NOVA1: variants seen among roughly 807,000 people sequenced by gnomAD.
The protein encoded by NOVA1 is RNA-binding protein Nova-1.
NOVA1 carries 7 observed loss-of-function variants against 38.0 expected under a neutral mutation model. That is an observed-to-expected ratio of 0.18 (90% CI 0.10 to 0.35). The LOEUF (loss-of-function observed/expected upper bound fraction) is 0.35. Ranked by LOEUF, NOVA1 falls within the 10% of genes least tolerant of loss-of-function variation. The pLI is 1.00. For missense variants in NOVA1, 460 were observed against 616.0 expected (o/e 0.75, Z 2.68); for synonymous variants, 270 against 232.5 (o/e 1.16, Z -1.47).
At chr14:26,481,729 G>T (rs929690461) in intron 2 of NOVA1, among the ~76,000 whole-genome samples, 1 of 151,782 alleles carries the variant, frequency 6.6e-6, no homozygotes, top group Non-Finnish European at 1.5e-5. Flanking sequence ...TCTCATTCTT[G>T]TCTATCTTGA....
intron 2 of NOVA1, among the ~76,000 whole-genome samples, chr14:26,555,929 A>T (rs1042214648): frequency 3.3e-5 from 5 of 152,120 alleles, no homozygotes; most frequent in African/African-American, 1.2e-4. Context: ...AAATAGAAAA[A>T]GTTCAATATA....
intron 2 of NOVA1, among the ~76,000 whole-genome samples, chr14:26,542,490 G>A (rs1173775850): frequency 6.6e-6 from 1 of 151,788 alleles, no homozygotes; most frequent in African/African-American, 2.4e-5. Flanking sequence ...ATTCGGTGCT[G>A]CATTTCAAAT....
intron 3 of NOVA1, among the ~76,000 whole-genome samples, chr14:26,478,422 T>C (rs1885164556): frequency 1.3e-5 from 2 of 151,976 alleles, no homozygotes; most frequent in Admixed American, 6.6e-5. Context: ...AATGTTTGAA[T>C]TTTCTCACAG....
At chr14:26,576,159 G>C (rs1030681754) in intron 2 of NOVA1, among the ~76,000 whole-genome samples, 2 of 150,232 alleles carry the variant, frequency 1.3e-5, no homozygotes, top group Non-Finnish European at 3.0e-5. Flanking sequence ...CAATGTGTGT[G>C]TATATATATA....
chr14:26,543,881 T>A (rs1038597221), intron 2 of NOVA1, among the ~76,000 whole-genome samples: 5 of 152,016 alleles, frequency 3.3e-5, no homozygotes, highest in Non-Finnish European at 7.4e-5. Context: ...TCAGGCTATC[T>A]TTAGCTCACC....
chr14:26,454,083 C>T (rs1292144109), intron 4 of NOVA1, among the ~76,000 whole-genome samples: 1 of 151,890 alleles, frequency 6.6e-6, no homozygotes, highest in African/African-American at 2.4e-5. Flanking sequence ...AATTTTTTGG[C>T]TTCCCTGGGC....
chr14:26,520,909 C>G (rs1172610559), intron 2 of NOVA1, among the ~76,000 whole-genome samples: 1 of 152,068 alleles, frequency 6.6e-6, no homozygotes, highest in Non-Finnish European at 1.5e-5. Flanking sequence ...AGCTCAAACA[C>G]TGTATAACGC....
intron 2 of NOVA1, among the ~76,000 whole-genome samples, chr14:26,577,206 A>G (rs897348605): frequency 6.6e-6 from 1 of 152,094 alleles, no homozygotes; most frequent in African/African-American, 2.4e-5. Flanking sequence ...TTAAGGTTAA[A>G]TAACATTCCA....
chr14:26,490,697 G>A (rs1265353357), intron 2 of NOVA1, among the ~76,000 whole-genome samples: 1 of 152,052 alleles, frequency 6.6e-6, no homozygotes, highest in Non-Finnish European at 1.5e-5. Flanking sequence ...TTGTGTGTAT[G>A]AGACAGGGTC....
intron 2 of NOVA1, among the ~76,000 whole-genome samples, chr14:26,499,525 G>C (rs866262697): frequency 2.6e-5 from 4 of 152,130 alleles, no homozygotes; most frequent in Middle Eastern, 3.2e-3. Flanking sequence ...AAGGAAAACA[G>C]GAAAGTGATA....
At chr14:26,473,996 G>A (rs1259502997) in intron 3 of NOVA1, among the ~76,000 whole-genome samples, 2 of 151,760 alleles carry the variant, frequency 1.3e-5, no homozygotes, top group African/African-American at 4.8e-5. Flanking sequence ...GCAATACTTT[G>A]CTGAGACATA....
intron 2 of NOVA1, among the ~76,000 whole-genome samples, chr14:26,507,835 A>C (rs1236595759): frequency 6.6e-6 from 1 of 152,076 alleles, no homozygotes; most frequent in East Asian, 1.9e-4. Flanking sequence ...AAACCACTCA[A>C]AACATCCTTG....
At chr14:26,545,401 T>C (rs186630010) in intron 2 of NOVA1, among the ~76,000 whole-genome samples, 19 of 152,118 alleles carry the variant, frequency 1.2e-4, no homozygotes, top group African/African-American at 4.3e-4. Context: ...GAATGGTGCA[T>C]TCCAATAAAG....
At chr14:26,528,112 TA>T (rs943028134) in intron 2 of NOVA1, among the ~76,000 whole-genome samples, 2 of 152,098 alleles carry the variant, frequency 1.3e-5, no homozygotes, top group Non-Finnish European at 1.5e-5. Flanking sequence ...AGACTTGCTA[TA>T]AAAGACCAAA....
In NOVA1 at chr14:26,448,787, T is replaced by C. The variant is rs1437521953; in HGVS notation, c.696A>G (p.Lys232=). The part of the protein sequence containing the change: ...TVSGEPEQNR[K]AVELIIQKIQ... ...TCTTCTGGATGATAAGTTCAACAGC[T>C]TTTCGGTTTTGTTCAGGTTCTCCAC... Residue 232 remains lysine (K), a synonymous_variant, in exon 5 of 5, where the codon AAA becomes AAG. Coordinates refer to ENST00000539517, the MANE Select transcript of NOVA1 (RefSeq NM_002515.3). The surrounding 1 kb of genome is among the most constrained non-coding windows in gnomAD (Gnocchi z 5.3). 1 of 1,614,118 alleles carries C rather than the reference T, an allele frequency of 6.2e-7. No homozygotes were observed. The highest frequency in any genetic ancestry group is 1.1e-5 in the South Asian group (1 of 91,076).
At chr14:26,453,318 C>G (rs1001360219) in intron 4 of NOVA1, among the ~76,000 whole-genome samples, 1 of 151,990 alleles carries the variant, frequency 6.6e-6, no homozygotes, top group Non-Finnish European at 1.5e-5. Flanking sequence ...AGCGATCCAC[C>G]TGGTTCAGCC....
intron 2 of NOVA1, among the ~76,000 whole-genome samples, chr14:26,558,285 T>C (rs1394148296): frequency 6.6e-6 from 1 of 152,156 alleles, no homozygotes; most frequent in African/African-American, 2.4e-5. Context: ...TCATCAATTG[T>C]ACCAACTGTA....
intron 2 of NOVA1, among the ~76,000 whole-genome samples, chr14:26,558,788 A>G (rs1393382557): frequency 2.0e-5 from 3 of 152,138 alleles, no homozygotes; most frequent in African/African-American, 7.2e-5. Flanking sequence ...TGCCTTAGAC[A>G]TAACAATATT....
intron 2 of NOVA1, among the ~76,000 whole-genome samples, chr14:26,536,482 T>C (rs1389841330): frequency 1.3e-5 from 2 of 151,964 alleles, no homozygotes; most frequent in Non-Finnish European, 2.9e-5. Flanking sequence ...TCCATAAATA[T>C]ATACACCTAA....
Sources: allele counts gnomAD v4.1 joint callset (sites outside exome capture counted in the v4.1 genomes callset), GRCh38; gene constraint gnomAD v4.1.1; non-coding constraint Gnocchi (gnomAD v3.1); transcripts MANE v1.5; gene names NCBI Gene and HGNC (gene_info 2026-07-23, HGNC 2026-07-21).